Variants in NCALD observed in about 807,000 individuals in gnomAD.
NCALD encodes the protein neurocalcin-delta.
Under a neutral mutation model 18.6 loss-of-function variants are expected in NCALD, and 10 were observed. The observed-to-expected ratio is 0.54, with a 90% CI of 0.33 to 0.91. NCALD has a LOEUF of 0.91. NCALD is among the 40% of genes least tolerant of loss of function. The pLI, the probability that NCALD is intolerant of heterozygous loss-of-function variation, is 0.03. For synonymous variants in NCALD, 88 were observed against 87.4 expected (o/e 1.01, Z -0.04); for missense variants, 184 against 247.6 (o/e 0.74, Z 1.72).
intron 3 of NCALD, chr8:101,692,034 T>C (rs565766013): frequency 7.1e-6 from 7 of 979,308 alleles, no homozygotes; most frequent in Non-Finnish European, 8.5e-6. Flanking sequence ...GAATTTCAGA[T>C]AAACAGCAAG....
At position 102,102,869 on chromosome 8, in the gene NCALD, G is replaced by A. The variant is rs368529979; in HGVS notation, c.-210+21368C>T. The stretch of plus-strand genomic sequence containing the variant: ...TTGTGCCCCTCAGGGGTCACTACAG[G>A]TCCAAGGCCTGGTCCTCAGCTCTGC... On this transcript the variant is annotated intron_variant, in intron 1 of 6. Transcript: ENST00000311028. Among the ~76,000 whole-genome samples, 61 of 152,234 alleles carry A rather than the reference G, an allele frequency of 4.0e-4. No individual in the cohort carries two copies. In the South Asian group the frequency reaches 0.012, roughly 31 times the overall value.
chr8:102,086,471 G>T (rs16869074), intron 1 of NCALD, among the ~76,000 whole-genome samples: 3 of 152,070 alleles, frequency 2.0e-5, no homozygotes, highest in African/African-American at 7.2e-5. Flanking sequence ...ATCTCCCAAA[G>T]TCAAGTGGCT....
chr8:102,000,353 G>A lies in NCALD; in HGVS notation c.-157+19884C>T, dbSNP rs183344946. On this transcript the variant is annotated intron_variant, in intron 2 of 6. Coordinates refer to the NCALD transcript ENST00000311028. ...GGGGTACCCGCCATTGCCGAGGGGT[G>A]CCCGCCATTCCCAGCCAAAGCAGCT... is the stretch of plus-strand genomic sequence containing the variant. Among the ~76,000 whole-genome samples, 16 of 152,288 alleles carry A rather than the reference G, an allele frequency of 1.1e-4. No homozygotes were observed. In the East Asian group the frequency reaches 3.1e-3, roughly 29 times the overall value.
At chr8:101,764,012 A>C (rs1298771401) in intron 1 of NCALD, among the ~76,000 whole-genome samples, 4 of 69,090 alleles carry the variant, frequency 5.8e-5, no homozygotes, top group African/African-American at 2.1e-4. Flanking sequence ...ACACACACAC[A>C]CACCCCCTAT....
At chr8:101,904,548 A>AC (rs2131580041) in intron 3 of NCALD, among the ~76,000 whole-genome samples, 1 of 152,028 alleles carries the variant, frequency 6.6e-6, no homozygotes, top group Non-Finnish European at 1.5e-5. Context: ...CACCCCTCTT[A>AC]CATCTTCAGG....
intron 1 of NCALD, among the ~76,000 whole-genome samples, 187 bp downstream of exon 1, chr8:101,790,675 A>G (rs1812409855): frequency 6.6e-6 from 1 of 152,200 alleles, no homozygotes; most frequent in South Asian, 2.1e-4. Context: ...TTCACAAAAC[A>G]TTAATCCAAA....
intron 1 of NCALD, among the ~76,000 whole-genome samples, chr8:101,758,938 A>T (rs73699937): frequency 0.02 from 2,978 of 152,258 alleles, 103 homozygotes; most frequent in East Asian, 0.12. Flanking sequence ...GAGCTCTTTT[A>T]CTACAAAGTA....
intron 1 of NCALD, among the ~76,000 whole-genome samples, chr8:101,758,267 T>A (rs567111140): frequency 1.8e-4 from 27 of 152,220 alleles, no homozygotes; most frequent in Admixed American, 3.3e-4. Flanking sequence ...CTGCTCCAAC[T>A]CCACAGAAAG....
chr8:101,862,348 C>T (rs577172213), intron 4 of NCALD, among the ~76,000 whole-genome samples: 37 of 152,296 alleles, frequency 2.4e-4, no homozygotes, highest in African/African-American at 5.3e-4. Flanking sequence ...TACAGGATTT[C>T]CCTCAACCAA....
At chr8:102,005,923 T>A (rs1490135252) in intron 2 of NCALD, among the ~76,000 whole-genome samples, 1 of 151,532 alleles carries the variant, frequency 6.6e-6, no homozygotes, top group Admixed American at 6.6e-5. Flanking sequence ...GAGATATACC[T>A]AATGTAAATG....
At chr8:101,843,582 G>GTTTTTTTTGT (rs1173372117) in intron 4 of NCALD, among the ~76,000 whole-genome samples, 3 of 125,140 alleles carry the variant, frequency 2.4e-5, no homozygotes, top group Admixed American at 1.7e-4. Context: ...TTTAAAAATT[G>GTTTTTTTTGT]TTTTTTTTTT....
chr8:101,817,084 G>C (rs1169617965), intron 4 of NCALD, among the ~76,000 whole-genome samples: 2 of 152,214 alleles, frequency 1.3e-5, no homozygotes, highest in East Asian at 3.9e-4. Context: ...AGCCACAGAA[G>C]CCATTTAGGA....
intron 1 of NCALD, among the ~76,000 whole-genome samples, chr8:102,057,792 T>C (rs1408621748): frequency 1.3e-5 from 2 of 152,224 alleles, no homozygotes; most frequent in Non-Finnish European, 2.9e-5. Flanking sequence ...GGTGAAACTT[T>C]AAGGGAAAAA....
intron 4 of NCALD, among the ~76,000 whole-genome samples, chr8:101,849,881 G>A (rs749546012): frequency 1.3e-5 from 2 of 152,174 alleles, no homozygotes; most frequent in African/African-American, 2.4e-5. Flanking sequence ...CACTGAAGAC[G>A]GGGGCCCTTC....
chr8:101,872,197 T>G (rs1385004046), intron 4 of NCALD: 8 of 1,577,718 alleles, frequency 5.1e-6, no homozygotes, highest in Non-Finnish European at 6.1e-6. Flanking sequence ...TTTGCAAAGG[T>G]GCAAGATGAC....
At chr8:101,990,615 C>A (rs754382330) in intron 2 of NCALD, among the ~76,000 whole-genome samples, 9 of 152,162 alleles carry the variant, frequency 5.9e-5, no homozygotes, top group Non-Finnish European at 1.2e-4. Flanking sequence ...GAGTTTCCTG[C>A]ACAAGTTTTC....
At chr8:102,017,391 T>C (rs1822121861) in intron 2 of NCALD, among the ~76,000 whole-genome samples, 1 of 152,218 alleles carries the variant, frequency 6.6e-6, no homozygotes, top group South Asian at 2.1e-4. Flanking sequence ...TCCTTCATTT[T>C]AGCAAAGATT....
At chr8:101,826,693 A>C (rs1481241667) in intron 4 of NCALD, among the ~76,000 whole-genome samples, 1 of 152,218 alleles carries the variant, frequency 6.6e-6, no homozygotes, top group African/African-American at 2.4e-5. Flanking sequence ...ATTTCCTTTC[A>C]ACCATTATTT....
chr8:102,095,503 T>C (rs1335967461), intron 1 of NCALD, among the ~76,000 whole-genome samples: 2 of 152,214 alleles, frequency 1.3e-5, no homozygotes, highest in African/African-American at 2.4e-5. Context: ...CTAAAACCCA[T>C]TGACTAGGGA....
Sources: allele counts gnomAD v4.1 joint callset (sites outside exome capture counted in the v4.1 genomes callset), GRCh38; gene constraint gnomAD v4.1.1; transcripts MANE v1.5; gene names NCBI Gene and HGNC (gene_info 2026-07-23, HGNC 2026-07-21).